SCG5: variants seen among roughly 807,000 people sequenced by gnomAD.
SCG5 encodes the protein secretogranin V, also known as neuroendocrine protein 7B2.
A neutral mutation model predicts 25.7 loss-of-function variants in SCG5; 18 were observed. The ratio of observed to expected loss-of-function variants is 0.70; its 90% CI spans 0.48 to 1.04. The LOEUF (loss-of-function observed/expected upper bound fraction) is 1.04, where lower values mean the gene tolerates loss of function less well. Ranked by LOEUF, SCG5 falls within the 50% of genes least tolerant of loss-of-function variation. The pLI is 0.00. For missense variants in SCG5, 206 were observed against 259.8 expected, an observed-to-expected ratio of 0.79 and a Z score of 1.42; for synonymous variants, 101 against 91.7, an observed-to-expected ratio of 1.10 and a Z score of -0.58.
chr15:32,675,679 G>A (rs7162000), intron 2 of SCG5, among the ~76,000 whole-genome samples: 102,291 of 152,104 alleles, frequency 0.67, 36,159 homozygotes, highest in African/African-American at 0.89. Flanking sequence ...GGAGTCTTCC[G>A]TGGCCTAGAT....
At chr15:32,653,947 T>G (rs1595792563) in intron 2 of SCG5, among the ~76,000 whole-genome samples, 2 of 152,144 alleles carry the variant, frequency 1.3e-5, no homozygotes, top group Non-Finnish European at 2.9e-5. Flanking sequence ...CTAAGGAAAA[T>G]TATTATAATC....
intron 2 of SCG5, among the ~76,000 whole-genome samples, 194 bp downstream of exon 2, chr15:32,644,012 A>G (rs946935741): frequency 3.9e-5 from 6 of 152,196 alleles, no homozygotes; most frequent in African/African-American, 1.2e-4. Flanking sequence ...ACATACTTAC[A>G]TATACACACC....
At chr15:32,648,253 T>C (rs565302265) in intron 2 of SCG5, among the ~76,000 whole-genome samples, 54 of 152,304 alleles carry the variant, frequency 3.5e-4, no homozygotes, top group South Asian at 8.3e-4. Flanking sequence ...CTAAAATCCA[T>C]GTGCAATTTC....
At position 32,642,180 on chromosome 15, in the gene SCG5, G is replaced by A. The variant is rs1428950287; in HGVS notation, c.-8+402G>A. Among the ~76,000 whole-genome samples, 6 of 151,934 alleles carry A rather than the reference G, an allele frequency of 3.9e-5. No homozygotes were observed. The East Asian group carries it at 1.2e-3, about 29-fold the overall frequency. On this transcript the variant is annotated intron_variant, in intron 1 of 5. Coordinates refer to ENST00000300175, the MANE Select transcript of SCG5 (RefSeq NM_001144757.3). Reference sequence around the variant, plus strand: ...TTCTTTGCAGAAAAAGAAATTGGAGGGTATAAAAATTTTTGTTTCAGTAAA... The same window carrying A: ...TTCTTTGCAGAAAAAGAAATTGGAGAGTATAAAAATTTTTGTTTCAGTAAA...
intron 2 of SCG5, among the ~76,000 whole-genome samples, chr15:32,671,083 A>C (rs998605195): frequency 6.6e-6 from 1 of 152,190 alleles, no homozygotes; most frequent in African/African-American, 2.4e-5. Flanking sequence ...CCGGGTTAAA[A>C]GGGGAGGAAT....
rs186354243 is a variant in SCG5, at chr15:32,662,004, G to T, written c.227-17762G>T. On this transcript the variant is annotated intron_variant, in intron 2 of 5. Transcript: ENST00000300175. ...CTTTTTATACTTAATATTATATCAAGAACCTATCCCTATATTAAAATCAGT... is the reference window on the plus strand; with the variant it reads ...CTTTTTATACTTAATATTATATCAATAACCTATCCCTATATTAAAATCAGT... 4.6e-3 allele frequency among the ~76,000 whole-genome samples: 699 copies of T among 152,120 alleles called. 6 individuals are homozygous for T. Among genetic ancestry groups the T allele is most frequent in the African/African-American group, 0.016 (680 of 41,494 alleles).
At chr15:32,692,220 A>C in intron 5 of SCG5, 1 of 995,356 alleles carries the variant, frequency 1.0e-6, no homozygotes, top group Non-Finnish European at 1.2e-6. Context: ...CGGGAGCAAA[A>C]GATGAGATGA....
At chr15:32,689,777 C>G (rs8024160) in intron 4 of SCG5, among the ~76,000 whole-genome samples, 19,998 of 152,088 alleles carry the variant, frequency 0.13, 1,805 homozygotes, top group East Asian at 0.44. Context: ...TAATCCTAAC[C>G]CTAGCTCTTA....
Position 32,684,887 on chromosome 15 carries a change from C to T in SCG5, c.489+218C>T, listed in dbSNP as rs183426207. On this transcript the variant is annotated intron_variant, in intron 4 of 5. Transcript: ENST00000300175. ...CCAAATCCAACTAAAGAGACAGCAA[C>T]CTAACATTGACCATAGTCTCCAGAG... 8.4e-4 allele frequency among the ~76,000 whole-genome samples: 128 copies of T among 152,320 alleles called. 1 individual carries two copies. Among genetic ancestry groups the T allele is most frequent in the African/African-American group, 2.6e-3 (110 of 41,572 alleles).
intron 4 of SCG5, 116 bp from the exon 5 acceptor site, chr15:32,691,594 C>T: frequency 2.5e-6 from 2 of 811,004 alleles, no homozygotes; most frequent in South Asian, 3.3e-5. Context: ...GTTTTGTTTC[C>T]AAAATATGCG....
intron 5 of SCG5, among the ~76,000 whole-genome samples, chr15:32,695,811 T>C (rs762091675): frequency 6.6e-6 from 1 of 152,152 alleles, no homozygotes; most frequent in Non-Finnish European, 1.5e-5. Context: ...CCTACCTAAA[T>C]AGGGCCATAG....
intron 4 of SCG5, among the ~76,000 whole-genome samples, chr15:32,689,578 A>G: frequency 6.6e-6 from 1 of 152,192 alleles, no homozygotes; most frequent in African/African-American, 2.4e-5. Context: ...CATGGAAAAC[A>G]GGCTCACCAC....
intron 4 of SCG5, among the ~76,000 whole-genome samples, chr15:32,689,540 C>A (rs2054802739): frequency 6.6e-6 from 1 of 152,124 alleles, no homozygotes; most frequent in Non-Finnish European, 1.5e-5. Flanking sequence ...ATGGAAAGCC[C>A]TTTTAATGAA....
At chr15:32,679,193 C>CTTTTTTTT (rs55644629) in intron 2 of SCG5, among the ~76,000 whole-genome samples, 1 of 148,432 alleles carries the variant, frequency 6.7e-6, no homozygotes. Context: ...TTCCCATGCT[C>CTTTTTTTT]TTTTTTTTTT....
At position 32,643,693 on chromosome 15, in the gene SCG5, G is replaced by A. The variant is rs200869533; in HGVS notation, c.101G>A (p.Arg34Gln). ...GCTTACAGCCCCCGGACCCCTGACC[G>A]GGTCTCAGAAGCAGATATCCAGAGG... ...AFAYSPRTPD[R>Q]VSEADIQRLL... Residue 34 changes from arginine (R) to glutamine (Q), a missense_variant, in exon 2 of 6, where the codon CGG becomes CAG. Coordinates refer to ENST00000300175, the MANE Select transcript of SCG5 (RefSeq NM_001144757.3). The A allele has an allele frequency of 3.1e-6, 5 of 1,613,882 alleles. No homozygotes were observed. The highest frequency in any genetic ancestry group is 4.2e-6 in the Non-Finnish European group (5 of 1,179,862).
At chr15:32,676,035 A>T (rs2054525017) in intron 2 of SCG5, among the ~76,000 whole-genome samples, 1 of 152,248 alleles carries the variant, frequency 6.6e-6, no homozygotes, top group South Asian at 2.1e-4. Context: ...CCTAAATATT[A>T]TAATGAACCA....
intron 4 of SCG5, among the ~76,000 whole-genome samples, chr15:32,687,614 C>G (rs1316466500): frequency 6.6e-6 from 1 of 152,178 alleles, no homozygotes; most frequent in Non-Finnish European, 1.5e-5. Context: ...CCCAGCCATC[C>G]TTTAAGTTAA....
intron 1 of SCG5, 137 bp from the exon 2 acceptor site, chr15:32,643,449 C>T (rs1474730858): frequency 1.1e-5 from 7 of 665,136 alleles, no homozygotes; most frequent in Non-Finnish European, 1.6e-5. Flanking sequence ...ACAAAAGCAA[C>T]CTCCTAAGGA....
chr15:32,660,228 C>A (rs1221045866), intron 2 of SCG5, among the ~76,000 whole-genome samples: 1 of 152,112 alleles, frequency 6.6e-6, no homozygotes, highest in Non-Finnish European at 1.5e-5. Context: ...GGGCTGTGGA[C>A]AGGCGAGATG....
Sources: gnomAD v4.1 joint callset for allele counts (sites outside exome capture counted in the v4.1 genomes callset) on GRCh38, gnomAD v4.1.1 for gene constraint, MANE v1.5 for transcripts, NCBI Gene and HGNC (gene_info 2026-07-23, HGNC 2026-07-21) for gene names.